The following LEKR1 variants were observed in gnomAD, a reference collection of about 807,000 sequenced individuals.
LEKR1 encodes protein LEKR1.
In LEKR1, 59 loss-of-function variants were observed where a neutral mutation model predicts 72.4. That is an observed-to-expected ratio of 0.82 (90% CI 0.66 to 1.01). LEKR1 has a LOEUF of 1.01. Ranked by LOEUF, LEKR1 falls within the 50% of genes least tolerant of loss-of-function variation. The pLI is 0.00. For missense variants in LEKR1, 728 were observed against 759.2 expected (o/e 0.96, Z 0.48); for synonymous variants, 257 against 263.2 (o/e 0.98, Z 0.23).
intron 3 of LEKR1, among the ~76,000 whole-genome samples, chr3:156,863,904 A>G (rs1374393529): frequency 1.3e-5 from 2 of 152,042 alleles, no homozygotes; most frequent in Admixed American, 6.6e-5. Context: ...ACAAAAAGCC[A>G]TCCAGTGTTA....
chr3:156,959,744 A>G (rs911348898), intron 6 of LEKR1, among the ~76,000 whole-genome samples: 1 of 152,018 alleles, frequency 6.6e-6, no homozygotes, highest in Admixed American at 6.6e-5. Flanking sequence ...CCTTTTTTTA[A>G]CTAACATGAA....
intron 3 of LEKR1, among the ~76,000 whole-genome samples, chr3:156,890,505 A>T (rs1229341751): frequency 6.6e-6 from 1 of 152,154 alleles, no homozygotes; most frequent in African/African-American, 2.4e-5. Context: ...AAACCCCCAA[A>T]CCTAATGCTA....
chr3:156,861,750 G>A (rs555630788), intron 3 of LEKR1, among the ~76,000 whole-genome samples: 14 of 152,144 alleles, frequency 9.2e-5, no homozygotes, highest in African/African-American at 3.4e-4. Context: ...AGATGTGTAA[G>A]TATGAATTTA....
intron 3 of LEKR1, among the ~76,000 whole-genome samples, chr3:156,900,030 C>G (rs1388814261): frequency 6.6e-6 from 1 of 151,978 alleles, no homozygotes; most frequent in Non-Finnish European, 1.5e-5. Flanking sequence ...ATCCAGCTAG[C>G]AAATTTTTGA....
At chr3:156,997,713 T>G (rs1731692305) in intron 9 of LEKR1, among the ~76,000 whole-genome samples, 1 of 152,128 alleles carries the variant, frequency 6.6e-6, no homozygotes, top group African/African-American at 2.4e-5. Flanking sequence ...GGTCACAAAT[T>G]GTGCAGTTTA....
intron 11 of LEKR1, among the ~76,000 whole-genome samples, chr3:157,027,502 TC>T (rs1381442468): frequency 2.6e-5 from 4 of 152,070 alleles, no homozygotes; most frequent in African/African-American, 7.2e-5. Flanking sequence ...GTCCAGACAG[TC>T]CCCTGATCTA....
chr3:156,924,535 C>T (rs182092229), intron 4 of LEKR1: 226 of 672,968 alleles, frequency 3.4e-4, no homozygotes, highest in African/African-American at 2.6e-3. Context: ...CTGTCTAAGC[C>T]GGTCAGAAGG....
intron 12 of LEKR1, among the ~76,000 whole-genome samples, chr3:157,042,940 C>A (rs896606004): frequency 6.6e-6 from 1 of 152,132 alleles, no homozygotes; most frequent in Non-Finnish European, 1.5e-5. Context: ...AAATTGTAAT[C>A]CCCAGTGTTG....
At chr3:156,974,667 T>G (rs1339593982) in intron 6 of LEKR1, among the ~76,000 whole-genome samples, 6 of 152,134 alleles carry the variant, frequency 3.9e-5, no homozygotes, top group Non-Finnish European at 8.8e-5. Context: ...TTAGACTCTG[T>G]AGTACAAAAC....
chr3:156,836,570 G>A (rs1379438499), intron 2 of LEKR1, among the ~76,000 whole-genome samples: 1 of 152,130 alleles, frequency 6.6e-6, no homozygotes, highest in Non-Finnish European at 1.5e-5. Context: ...CTATACTCTA[G>A]CCAGGACAAA....
intron 6 of LEKR1, among the ~76,000 whole-genome samples, chr3:156,947,009 T>A (rs537576650): frequency 7.9e-5 from 12 of 151,236 alleles, no homozygotes; most frequent in African/African-American, 2.2e-4. Context: ...GGTCTTCTCT[T>A]TTTTTTTCTT....
At chr3:156,835,684 T>C (rs1713017034) in intron 2 of LEKR1, among the ~76,000 whole-genome samples, 1 of 152,072 alleles carries the variant, frequency 6.6e-6, no homozygotes, top group Non-Finnish European at 1.5e-5. Flanking sequence ...AGTAACTCAA[T>C]TGTAAGCATC....
chr3:156,928,144 CAG>C (rs1034662036), intron 5 of LEKR1, among the ~76,000 whole-genome samples: 21 of 151,896 alleles, frequency 1.4e-4, no homozygotes, highest in African/African-American at 5.1e-4. Flanking sequence ...GAGTTCCAGA[CAG>C]AGGATAAATG....
chr3:156,930,598 G>A (rs1288484423), intron 5 of LEKR1, among the ~76,000 whole-genome samples: 1 of 152,066 alleles, frequency 6.6e-6, no homozygotes, highest in African/African-American at 2.4e-5. Context: ...TAGCTAAAAA[G>A]CTAATACATA....
intron 3 of LEKR1, among the ~76,000 whole-genome samples, chr3:156,874,605 C>T (rs146575498): frequency 7.9e-5 from 12 of 151,878 alleles, no homozygotes; most frequent in South Asian, 4.2e-4. Context: ...AGTTCTTTAG[C>T]GGTAATTTCT....
chr3:156,983,722 A>G (rs1211929279), intron 7 of LEKR1, among the ~76,000 whole-genome samples: 1 of 152,154 alleles, frequency 6.6e-6, no homozygotes, highest in African/African-American at 2.4e-5. Context: ...CCTGGCAGCT[A>G]CTGAATCCCA....
At chr3:156,856,117 T>C (rs1716027903) in intron 3 of LEKR1, among the ~76,000 whole-genome samples, 1 of 152,230 alleles carries the variant, frequency 6.6e-6, no homozygotes, top group African/African-American at 2.4e-5. Flanking sequence ...ATTAGCTTTT[T>C]AATCTATTTA....
At chr3:156,840,112 A>G (rs144595050) in intron 2 of LEKR1, among the ~76,000 whole-genome samples, 1 of 152,282 alleles carries the variant, frequency 6.6e-6, no homozygotes, top group East Asian at 1.9e-4. Context: ...GATTTTCTTA[A>G]CATTTTCTTT....
At chr3:156,912,397 G>A (rs1002962481) in intron 3 of LEKR1, among the ~76,000 whole-genome samples, 1 of 152,130 alleles carries the variant, frequency 6.6e-6, no homozygotes, top group Non-Finnish European at 1.5e-5. Context: ...CATAAGGAGT[G>A]GGGGGTAGCA....
Sources: gnomAD v4.1 joint callset for allele counts (sites outside exome capture counted in the v4.1 genomes callset) on GRCh38, gnomAD v4.1.1 for gene constraint, MANE v1.5 for transcripts, NCBI Gene and HGNC (gene_info 2026-07-23, HGNC 2026-07-21) for gene names.